Variants in LYN observed in about 807,000 individuals in gnomAD.
The protein encoded by LYN is LYN proto-oncogene, Src family tyrosine kinase.
Under a neutral mutation model 65.0 loss-of-function variants are expected in LYN, and 12 were observed. That is an observed-to-expected ratio of 0.18 (90% CI 0.12 to 0.30). The LOEUF is 0.30. LYN is among the 10% of genes least tolerant of loss of function. The probability of loss-of-function intolerance (pLI) is 1.00; values close to 1 mark genes in which losing one functional copy is unlikely to be tolerated. For synonymous variants in LYN, 222 were observed against 221.2 expected, an observed-to-expected ratio of 1.00 and a Z score of -0.03; for missense variants, 380 against 623.2, an observed-to-expected ratio of 0.61 and a Z score of 4.16.
intron 2 of LYN, among the ~76,000 whole-genome samples, chr8:55,945,005 A>G (rs1806734209): frequency 6.6e-6 from 1 of 152,212 alleles, no homozygotes. Flanking sequence ...CTCATGAGCC[A>G]GTTAGCCTGG....
intron 1 of LYN, among the ~76,000 whole-genome samples, chr8:55,915,160 G>A (rs928705899): frequency 3.3e-5 from 5 of 151,736 alleles, no homozygotes; most frequent in African/African-American, 4.8e-5. Context: ...AGTTTCCATC[G>A]CTGTGTTGCA....
chr8:55,902,854 CTT>C (rs377601406), intron 1 of LYN: 499 of 364,936 alleles, frequency 1.4e-3, no homozygotes, highest in Middle Eastern at 2.9e-3. Flanking sequence ...TAGCATGAGG[CTT>C]TTTTTTTTTG....
At chr8:55,900,453 G>A (rs1299761717) in intron 1 of LYN, among the ~76,000 whole-genome samples, 2 of 151,858 alleles carry the variant, frequency 1.3e-5, no homozygotes, top group African/African-American at 4.8e-5. Context: ...GCTCTCTGCA[G>A]CCTTGAACTC....
At chr8:55,881,494 C>G (rs1309415510) in intron 1 of LYN, among the ~76,000 whole-genome samples, 1 of 152,160 alleles carries the variant, frequency 6.6e-6, no homozygotes, top group Non-Finnish European at 1.5e-5. Flanking sequence ...TCCAGTTAGT[C>G]CCTCCATTCT....
intron 1 of LYN, among the ~76,000 whole-genome samples, chr8:55,900,014 T>TG (rs11384692): frequency 0.039 from 5,965 of 152,222 alleles, 370 homozygotes; most frequent in African/African-American, 0.13. Flanking sequence ...GAGGTGGAGC[T>TG]GAACTTGGGC....
At chr8:56,008,449 A>G (rs1402653051) in intron 12 of LYN, among the ~76,000 whole-genome samples, 10 of 152,224 alleles carry the variant, frequency 6.6e-5, no homozygotes, top group Admixed American at 6.5e-4. Context: ...TGCATGACAT[A>G]CATTCTTCTC....
At chr8:55,887,933 G>C (rs530094109) in intron 1 of LYN, among the ~76,000 whole-genome samples, 10 of 152,210 alleles carry the variant, frequency 6.6e-5, no homozygotes, top group Admixed American at 2.6e-4. Context: ...TAAAACGGCA[G>C]GATATAAGGA....
At chr8:56,002,695 AAT>A (rs1429256328) in intron 12 of LYN, among the ~76,000 whole-genome samples, 1 of 152,100 alleles carries the variant, frequency 6.6e-6, no homozygotes, top group Non-Finnish European at 1.5e-5. Flanking sequence ...GAATCATAAA[AAT>A]ATGTTTCTCT....
intron 1 of LYN, among the ~76,000 whole-genome samples, chr8:55,924,625 A>G (rs1007492621): frequency 3.8e-4 from 58 of 151,892 alleles, no homozygotes; most frequent in Admixed American, 3.7e-3. Flanking sequence ...TGGCCTCCCA[A>G]AGTGCTGAGA....
chr8:55,982,640 C>T (rs1433716172), intron 10 of LYN, among the ~76,000 whole-genome samples: 1 of 152,200 alleles, frequency 6.6e-6, no homozygotes, highest in Non-Finnish European at 1.5e-5. Flanking sequence ...TTGCTGTGGT[C>T]AGCTCCGGCT....
chr8:55,910,042 A>G (rs1220407500), intron 1 of LYN, among the ~76,000 whole-genome samples: 2 of 142,426 alleles, frequency 1.4e-5, no homozygotes, highest in East Asian at 4.0e-4. Flanking sequence ...AATTCTGCAT[A>G]TTAGTCCTCT....
chr8:55,885,545 C>G (rs1039790257), intron 1 of LYN, among the ~76,000 whole-genome samples: 1 of 152,170 alleles, frequency 6.6e-6, no homozygotes, highest in African/African-American at 2.4e-5. Context: ...TACCCTTGGG[C>G]GCTGGTACAG....
chr8:55,939,474 G>GAGAA (rs1806534248), intron 1 of LYN, among the ~76,000 whole-genome samples: 4 of 152,188 alleles, frequency 2.6e-5, no homozygotes, highest in Admixed American at 2.6e-4. Context: ...GAGAGAGAGA[G>GAGAA]AGAGAGAGAG....
intron 1 of LYN, among the ~76,000 whole-genome samples, chr8:55,896,505 G>T (rs958037201): frequency 1.3e-5 from 2 of 151,976 alleles, no homozygotes; most frequent in Non-Finnish European, 2.9e-5. Context: ...GGCCTGTCGG[G>T]GGGTGGGGGG....
intron 12 of LYN, among the ~76,000 whole-genome samples, chr8:56,005,119 G>A (rs1277713288): frequency 6.6e-6 from 1 of 152,092 alleles, no homozygotes; most frequent in Non-Finnish European, 1.5e-5. Flanking sequence ...ATACAAAGAG[G>A]TGTAAGCTGA....
chr8:55,944,763 G>T (rs1806728478), intron 2 of LYN, among the ~76,000 whole-genome samples: 1 of 152,200 alleles, frequency 6.6e-6, no homozygotes, highest in Non-Finnish European at 1.5e-5. Context: ...ATACAGGCGT[G>T]AGCCACCACA....
chr8:55,888,519 T>G (rs565622158), intron 1 of LYN, among the ~76,000 whole-genome samples: 1 of 152,352 alleles, frequency 6.6e-6, no homozygotes, highest in East Asian at 1.9e-4. Context: ...CGAAGACACG[T>G]TGAACACTGA....
chr8:55,969,953 T>C (rs1807567314), intron 10 of LYN, among the ~76,000 whole-genome samples, 160 bp downstream of exon 10: 1 of 152,194 alleles, frequency 6.6e-6, no homozygotes, highest in Non-Finnish European at 1.5e-5. Flanking sequence ...TTCTTGGAGA[T>C]AGTAATAGGA....
At chr8:55,976,326 CAAAAAA>C (rs35717306) in intron 10 of LYN, among the ~76,000 whole-genome samples, 1 of 85,660 alleles carries the variant, frequency 1.2e-5, no homozygotes, top group Non-Finnish European at 2.5e-5. Flanking sequence ...GACTCCATCT[CAAAAAA>C]AAAAAAAAAA....
Sources: gnomAD v4.1 joint callset for allele counts (sites outside exome capture counted in the v4.1 genomes callset) on GRCh38, gnomAD v4.1.1 for gene constraint, MANE v1.5 for transcripts, NCBI Gene and HGNC (gene_info 2026-07-23, HGNC 2026-07-21) for gene names.